The following SPINT1 variants were observed in gnomAD, a reference collection of about 807,000 sequenced individuals.
SPINT1 encodes serine peptidase inhibitor, Kunitz type 1, also known as kunitz-type protease inhibitor 1.
A neutral mutation model predicts 53.7 loss-of-function variants in SPINT1; 38 were observed. The observed-to-expected ratio is 0.71, with a 90% CI of 0.55 to 0.93. The LOEUF is 0.93. Among genes scored for constraint, SPINT1 ranks in the 40% least tolerant of loss-of-function variants. SPINT1 has a pLI of 0.00. For missense variants in SPINT1, 645 were observed against 692.9 expected (o/e 0.93, Z 0.78); for synonymous variants, 283 against 280.6 (o/e 1.01, Z -0.08).
intron 2 of SPINT1, 51 bp from the exon 3 acceptor site, chr15:40,853,073 C>T: frequency 6.3e-7 from 1 of 1,586,086 alleles, no homozygotes; most frequent in Non-Finnish European, 8.6e-7. Flanking sequence ...CTGAGAGAAG[C>T]CTGGTCCATC....
intron 9 of SPINT1, 53 bp downstream of exon 9, chr15:40,856,115 G>A: frequency 6.2e-7 from 1 of 1,605,988 alleles, no homozygotes; most frequent in Non-Finnish European, 8.5e-7. Flanking sequence ...TTAGCCAGTG[G>A]CCTCCACTCT....
At chr15:40,845,872 T>C (rs1891280819) in intron 2 of SPINT1, among the ~76,000 whole-genome samples, 1 of 152,196 alleles carries the variant, frequency 6.6e-6, no homozygotes, top group South Asian at 2.1e-4. Flanking sequence ...TTGGGACTGC[T>C]TAGCATCTCT....
chr15:40,846,741 G>A (rs1891310703), intron 2 of SPINT1, among the ~76,000 whole-genome samples: 1 of 152,162 alleles, frequency 6.6e-6, no homozygotes, highest in African/African-American at 2.4e-5. Context: ...CTTTTCCTGG[G>A]CTAGTCTCTC....
chr15:40,856,414 G>A (rs1891643743), intron 10 of SPINT1, 91 bp downstream of exon 10: 6 of 1,527,038 alleles, frequency 3.9e-6, no homozygotes, highest in Admixed American at 1.7e-5. Context: ...AACCTGTGTT[G>A]AGAAGGATGC....
chr15:40,844,561 C>A lies in SPINT1; in HGVS notation c.7C>A (p.Pro3Thr), dbSNP rs2142000006. The A allele has an allele frequency of 1.2e-6, 2 of 1,610,502 alleles. No homozygotes were observed. The highest frequency in any genetic ancestry group is 4.5e-5 in the East Asian group (2 of 44,720). The change falls in exon 2 of 11, where the codon CCT becomes ACT. Residue 3 changes from proline to threonine, a missense_variant. Coordinates refer to ENST00000562057, the MANE Select transcript of SPINT1 (RefSeq NM_003710.4). This position sits in a 1 kb window ranked among gnomAD's most constrained non-coding sequence, Gnocchi z 5.8. MA[P>T]ARTMARARLA... The stretch of plus-strand genomic sequence containing the variant: ...CCCCCTGGGGAGGAAGGCGATGGCC[C>A]CTGCGAGGACGATGGCCCGCGCCCG...
rs142240169 is a variant in SPINT1, at chr15:40,856,790, G to A, written c.1357G>A (p.Ala453Thr). 12,672 of 1,614,144 alleles carry A rather than the reference G, an allele frequency of 7.9e-3. 70 individuals are homozygous for A. The highest frequency in any genetic ancestry group is 0.01 in the Non-Finnish European group (11,893 of 1,180,032). Reference protein sequence around the residue: ...PSTGSVEMAVAVFLVICIVVV... With the variant: ...PSTGSVEMAVTVFLVICIVVV... Reference sequence around the variant, plus strand: ...CCCAGGCTCTGTGGAGATGGCTGTCGCAGTGTTCCTGGTCATCTGCATTGT... The same window carrying A: ...CCCAGGCTCTGTGGAGATGGCTGTCACAGTGTTCCTGGTCATCTGCATTGT... Residue 453 changes from alanine to threonine, a missense_variant, in exon 11 of 11, where the codon GCA becomes ACA. By Grantham distance (58) the Ala-to-Thr change is moderately conservative. Coordinates refer to ENST00000562057, the MANE Select transcript of SPINT1 (RefSeq NM_003710.4).
chr15:40,853,475 A>T lies in SPINT1; in HGVS notation c.604-14A>T. 6.2e-7 allele frequency: 1 copy of T among 1,613,910 alleles called. No individual in the cohort carries two copies. The highest frequency in any genetic ancestry group is 8.5e-7 in the Non-Finnish European group (1 of 1,179,948). On this transcript the variant is annotated splice_polypyrimidine_tract_variant and intron_variant, in intron 3 of 10. Coordinates refer to ENST00000562057, the MANE Select transcript of SPINT1 (RefSeq NM_003710.4). The stretch of plus-strand genomic sequence containing the variant: ...CAGGGGGTGCCCAAGCCTGATAGCC[A>T]CTCCTGTGTGCAGAGGAAAGACCCA...
intron 2 of SPINT1, among the ~76,000 whole-genome samples, chr15:40,848,138 A>T (rs1891350382): frequency 6.6e-6 from 1 of 151,860 alleles, no homozygotes; most frequent in Admixed American, 6.6e-5. Context: ...CTCCCTTCCC[A>T]TCCCTTTTGC....
At chr15:40,850,903 G>A (rs1035022048) in intron 2 of SPINT1, among the ~76,000 whole-genome samples, 1 of 152,180 alleles carries the variant, frequency 6.6e-6, no homozygotes, top group African/African-American at 2.4e-5. Flanking sequence ...TGAACTCCTG[G>A]ACCTCTGTCA....
intron 8 of SPINT1, among the ~76,000 whole-genome samples, chr15:40,855,005 C>T (rs183255808): frequency 1.0e-3 from 157 of 152,292 alleles, no homozygotes; most frequent in Non-Finnish European, 1.8e-3. Flanking sequence ...TAAAAAGGAA[C>T]TTTCACATCA....
rs188842738 is a variant in SPINT1, at chr15:40,848,222, A to G, written c.475+3193A>G. 3.5e-3 allele frequency among the ~76,000 whole-genome samples: 527 copies of G among 151,954 alleles called. 2 individuals carry two copies. The highest frequency in any genetic ancestry group is 0.015 in the Admixed American group (227 of 15,258). On this transcript the variant is annotated intron_variant, in intron 2 of 10. Transcript: ENST00000562057. ...GTCCCCCATTGGCTCTGCTTTCTCT[A>G]CTTCATCAAAGAGGAATCCCTGAGA...
rs897821279 is a variant in SPINT1 at position 40,844,890 on chromosome 15, C to G, written c.336C>G (p.Ala112=). ...VELQPDRGED[A]IAACFLINCL... is the part of the protein sequence containing the mutation. The stretch of plus-strand genomic sequence containing the variant: ...TGCAGCCCGACCGCGGGGAGGACGC[C>G]ATCGCCGCCTGCTTCCTCATCAACT... The change falls in exon 2 of 11, where the codon GCC becomes GCG. Residue 112 remains alanine, a synonymous_variant. Coordinates refer to ENST00000562057, the MANE Select transcript of SPINT1 (RefSeq NM_003710.4). This position sits in a 1 kb window ranked among gnomAD's most constrained non-coding sequence, Gnocchi z 5.8. The G allele has an allele frequency of 1.2e-6, 2 of 1,613,966 alleles. No homozygotes were observed. The highest frequency in any genetic ancestry group is 1.7e-6 in the Non-Finnish European group (2 of 1,180,026).
At position 40,856,299 on chromosome 15, in the gene SPINT1, C is replaced by A. The variant is rs368525506; in HGVS notation, c.1312C>A (p.Arg438=). 5.6e-6 allele frequency: 9 copies of A among 1,614,146 alleles called. No homozygotes were observed. Among genetic ancestry groups the A allele is most frequent in the Middle Eastern group, 1.6e-4 (1 of 6,062 alleles). The change falls in exon 10 of 11, where the codon CGG becomes AGG. Residue 438 remains arginine, a synonymous_variant. Coordinates refer to ENST00000562057, the MANE Select transcript of SPINT1 (RefSeq NM_003710.4). ...ISKKDVFGLR[R]EIPIPSTGSV... ...AGAGAAGGATGTGTTTGGCCTGAGG[C>A]GGGAAATCCCCATTCCCAGCACAGG...
At chr15:40,848,699 CA>C (rs1891364344) in intron 2 of SPINT1, among the ~76,000 whole-genome samples, 1 of 152,040 alleles carries the variant, frequency 6.6e-6, no homozygotes, top group African/African-American at 2.4e-5. Flanking sequence ...ACAACAACAA[CA>C]ACAAAAGGAA....
chr15:40,844,540 C>G lies in SPINT1; in HGVS notation c.-15C>G. On this transcript the variant is annotated 5_prime_UTR_variant, in exon 2 of 11. Transcript: ENST00000562057. The surrounding 1 kb of genome is among the most constrained non-coding windows in gnomAD (Gnocchi z 5.8). Reference sequence around the variant, plus strand: ...GGCCCGCGCTCTGAAGGTGACCCCCCTGGGGAGGAAGGCGATGGCCCCTGC... The same window carrying G: ...GGCCCGCGCTCTGAAGGTGACCCCCGTGGGGAGGAAGGCGATGGCCCCTGC... 2 of 1,610,204 alleles carry G rather than the reference C, an allele frequency of 1.2e-6. No individual in the cohort carries two copies. Among genetic ancestry groups the G allele is most frequent in the Non-Finnish European group, 1.7e-6 (2 of 1,178,884 alleles).
At chr15:40,853,919 T>C (rs1057233834) in intron 5 of SPINT1, 38 bp downstream of exon 5, 2 of 1,613,796 alleles carry the variant, frequency 1.2e-6, no homozygotes, top group Non-Finnish European at 1.7e-6. Flanking sequence ...CTCAGGCGAC[T>C]TTCCCCCAGG....
chr15:40,855,799 G>T (rs764397498), intron 8 of SPINT1, 93 bp from the exon 9 acceptor site: 2 of 1,379,030 alleles, frequency 1.5e-6, no homozygotes, highest in Admixed American at 2.1e-5. Flanking sequence ...CATGGCAGGT[G>T]GGGAGGTGCT....
intron 2 of SPINT1, among the ~76,000 whole-genome samples, chr15:40,846,221 C>T (rs1417367840): frequency 6.6e-6 from 1 of 152,148 alleles, no homozygotes; most frequent in Non-Finnish European, 1.5e-5. Context: ...CTCTTTCTTC[C>T]CCGGACTGAA....
Position 40,853,693 on chromosome 15 carries a change from A to G in SPINT1, c.743-18A>G. ...TGCGGATTGGCCGCACGGTCCCCTC[A>G]TAAGCTCTCCCCCCTAGACTACTGC... On this transcript the variant is annotated intron_variant, in intron 4 of 10. Coordinates refer to ENST00000562057, the MANE Select transcript of SPINT1 (RefSeq NM_003710.4). 1.2e-6 allele frequency: 2 copies of G among 1,614,054 alleles called. No homozygotes were observed. The highest frequency in any genetic ancestry group is 8.5e-7 in the Non-Finnish European group (1 of 1,179,906).
Sources: allele counts gnomAD v4.1 joint callset (sites outside exome capture counted in the v4.1 genomes callset), GRCh38; gene constraint gnomAD v4.1.1; non-coding constraint Gnocchi (gnomAD v3.1); transcripts MANE v1.5; gene names NCBI Gene and HGNC (gene_info 2026-07-23, HGNC 2026-07-21).